The following GRXCR2 variants were observed in gnomAD, a reference collection of about 807,000 sequenced individuals.
GRXCR2 encodes glutaredoxin and cysteine rich domain containing 2, also known as glutaredoxin domain-containing cysteine-rich protein 2.
Under a neutral mutation model 24.8 loss-of-function variants are expected in GRXCR2, and 23 were observed. The observed-to-expected ratio is 0.93, with a 90% CI of 0.67 to 1.32. The LOEUF (loss-of-function observed/expected upper bound fraction) is 1.32, where lower values mean the gene tolerates loss of function less well. GRXCR2 is among the 40% of genes most tolerant of loss of function. The pLI is 0.00. For synonymous variants in GRXCR2, 130 were observed against 116.1 expected (o/e 1.12, Z -0.77); for missense variants, 315 against 303.4 (o/e 1.04, Z -0.28).
chr5:145,917,296 A>C (rs1348288340), intron 2 of GRXCR2, among the ~76,000 whole-genome samples: 1 of 151,794 alleles, frequency 6.6e-6, no homozygotes, highest in African/African-American at 2.4e-5. Flanking sequence ...CTTCTTTCTC[A>C]GGCTTTCCTG....
At chr5:145,863,634 G>A (rs752081002) in intron 2 of GRXCR2, among the ~76,000 whole-genome samples, 9 of 152,128 alleles carry the variant, frequency 5.9e-5, no homozygotes, top group Non-Finnish European at 1.3e-4. Flanking sequence ...AACATGTTCG[G>A]TCATCTGCCT....
At chr5:145,874,048 G>A (rs527501529), upstream of GRXCR2, among the ~76,000 whole-genome samples, 1 of 152,238 alleles carries the variant, frequency 6.6e-6, no homozygotes, top group Admixed American at 6.5e-5. Context: ...CCCTTGGGCT[G>A]GGTAGAAAAT....
At chr5:145,902,392 A>G (rs13182825) in intron 2 of GRXCR2, among the ~76,000 whole-genome samples, 3,790 of 152,262 alleles carry the variant, frequency 0.025, 63 homozygotes, top group South Asian at 0.061. Context: ...ATGTGATCCA[A>G]TGTGCCCGGC....
intron 2 of GRXCR2, among the ~76,000 whole-genome samples, chr5:145,902,283 T>G (rs1424799294): frequency 6.6e-6 from 1 of 152,122 alleles, no homozygotes; most frequent in Non-Finnish European, 1.5e-5. Context: ...CATTATTTTT[T>G]GTAGATACAG....
chr5:145,878,778 T>C (rs1756657019), intron 2 of GRXCR2, among the ~76,000 whole-genome samples: 1 of 151,952 alleles, frequency 6.6e-6, no homozygotes, highest in African/African-American at 2.4e-5. Flanking sequence ...AAGGAAAGAA[T>C]GGTAAGGGCA....
chr5:145,905,479 T>C (rs1040153914), intron 2 of GRXCR2, among the ~76,000 whole-genome samples: 2 of 152,218 alleles, frequency 1.3e-5, no homozygotes, highest in South Asian at 2.1e-4. Context: ...GTACACAATA[T>C]ATTTTAACTG....
chr5:145,889,576 T>C (rs1561683288), intron 2 of GRXCR2, among the ~76,000 whole-genome samples: 1 of 152,182 alleles, frequency 6.6e-6, no homozygotes, highest in Non-Finnish European at 1.5e-5. Flanking sequence ...GGAAAAAATC[T>C]ACCCATAGAA....
At chr5:145,916,358 A>G (rs1367913537) in intron 2 of GRXCR2, among the ~76,000 whole-genome samples, 3 of 152,192 alleles carry the variant, frequency 2.0e-5, no homozygotes, top group Non-Finnish European at 2.9e-5. Context: ...AAGAGCATCA[A>G]ACTGACATTT....
At chr5:145,879,118 T>G (rs1756661450) in intron 2 of GRXCR2, among the ~76,000 whole-genome samples, 1 of 152,134 alleles carries the variant, frequency 6.6e-6, no homozygotes, top group Non-Finnish European at 1.5e-5. Context: ...ATCAATGCTA[T>G]GAAGAAACTG....
intron 2 of GRXCR2, among the ~76,000 whole-genome samples, chr5:145,929,663 G>A (rs778013226): frequency 6.6e-6 from 1 of 152,154 alleles, no homozygotes; most frequent in Non-Finnish European, 1.5e-5. Context: ...AGTAATAATA[G>A]AATGGAAAGA....
chr5:145,893,605 C>A (rs1756903663), intron 2 of GRXCR2, among the ~76,000 whole-genome samples: 1 of 152,082 alleles, frequency 6.6e-6, no homozygotes, highest in African/African-American at 2.4e-5. Flanking sequence ...TATATGCACC[C>A]AATACAGGAG....
At chr5:145,861,945 T>C (rs1421461542) in intron 2 of GRXCR2, among the ~76,000 whole-genome samples, 1 of 152,222 alleles carries the variant, frequency 6.6e-6, no homozygotes, top group Non-Finnish European at 1.5e-5. Flanking sequence ...TGACAAAAAC[T>C]CAAATCAGGT....
At chr5:145,874,768 A>G (rs1371285780), upstream of GRXCR2, among the ~76,000 whole-genome samples, 2 of 152,164 alleles carry the variant, frequency 1.3e-5, no homozygotes, top group Non-Finnish European at 2.9e-5. Flanking sequence ...AAGCCCCTCA[A>G]AAACCAGCCT....
At chr5:145,895,698 C>T (rs1158111988) in intron 2 of GRXCR2, among the ~76,000 whole-genome samples, 1 of 152,160 alleles carries the variant, frequency 6.6e-6, no homozygotes, top group East Asian at 1.9e-4. Flanking sequence ...TGAAAATGGC[C>T]ATACTGCCCA....
At chr5:145,924,095 T>C (rs893256427) in intron 2 of GRXCR2, among the ~76,000 whole-genome samples, 1 of 151,894 alleles carries the variant, frequency 6.6e-6, no homozygotes, top group African/African-American at 2.4e-5. Context: ...GTTTGGAGAG[T>C]GGCATGGAGA....
intron 2 of GRXCR2, among the ~76,000 whole-genome samples, chr5:145,914,879 C>T (rs1042620835): frequency 2.6e-5 from 4 of 151,942 alleles, no homozygotes; most frequent in South Asian, 2.1e-4. Context: ...TCAGGCCACC[C>T]GACAATGGAG....
intron 2 of GRXCR2, among the ~76,000 whole-genome samples, chr5:145,919,936 A>C (rs1757300096): frequency 1.3e-5 from 2 of 152,066 alleles, no homozygotes; most frequent in Non-Finnish European, 2.9e-5. Flanking sequence ...TTTGTTTTTT[A>C]GTCTGTTCTG....
At chr5:145,889,983 G>T (rs576095491) in intron 2 of GRXCR2, among the ~76,000 whole-genome samples, 2 of 152,230 alleles carry the variant, frequency 1.3e-5, no homozygotes, top group East Asian at 3.8e-4. Context: ...ACAATTGAAA[G>T]CTTTGTCAAT....
chr5:145,875,545 C>CA (rs963001908), upstream of GRXCR2, among the ~76,000 whole-genome samples: 46 of 147,474 alleles, frequency 3.1e-4, no homozygotes, highest in Middle Eastern at 7.1e-3. Flanking sequence ...GAGACTCCAT[C>CA]AAAAAAAAAT....
Sources: gnomAD v4.1 joint callset for allele counts (sites outside exome capture counted in the v4.1 genomes callset) on GRCh38, gnomAD v4.1.1 for gene constraint, MANE v1.5 for transcripts, NCBI Gene and HGNC (gene_info 2026-07-23, HGNC 2026-07-21) for gene names.